Variants in SPATA31H1 observed in about 807,000 individuals in gnomAD.
SPATA31H1 encodes the protein spermatogenesis-associated protein 31H1.
At chr2:27,575,513 T>G in the SPATA31H1 span, 1 of 398,508 alleles carries the variant, frequency 2.5e-6, no homozygotes, top group African/African-American at 2.1e-5. The surrounding 1 kb of genome is among the most constrained non-coding windows in gnomAD (Gnocchi z 4.1). Context: ...AATCTTTAGA[T>G]TTCAACCCTG....
the SPATA31H1 span, among the ~76,000 whole-genome samples, chr2:27,545,449 T>C: frequency 6.6e-6 from 1 of 152,056 alleles, no homozygotes; most frequent in African/African-American, 2.4e-5. Flanking sequence ...TGCTTGGTCA[T>C]GTGGTATATA....
the SPATA31H1 span, among the ~76,000 whole-genome samples, chr2:27,556,336 C>A: frequency 4.7e-5 from 7 of 149,916 alleles, no homozygotes; most frequent in Non-Finnish European, 7.4e-5. Context: ...AGGTTCACAG[C>A]AAAATTGAGC....
chr2:27,566,027 T>C, the SPATA31H1 span: 3 of 717,336 alleles, frequency 4.2e-6, no homozygotes, highest in Middle Eastern at 2.3e-4. Flanking sequence ...TGACAGATTC[T>C]TCACCTCTTC....
chr2:27,567,432 A>G, the SPATA31H1 span: 1 of 447,762 alleles, frequency 2.2e-6, no homozygotes, highest in South Asian at 7.1e-5. Context: ...ATCTATGCCC[A>G]TTCATCAAAA....
chr2:27,558,985 A>G, the SPATA31H1 span, among the ~76,000 whole-genome samples: 1 of 150,020 alleles, frequency 6.7e-6, no homozygotes, highest in Admixed American at 6.8e-5. Flanking sequence ...ATATTTTAAA[A>G]TCCATGTTTT....
the SPATA31H1 span, among the ~76,000 whole-genome samples, chr2:27,552,610 A>C: frequency 0.011 from 1,631 of 152,008 alleles, 21 homozygotes; most frequent in Non-Finnish European, 0.015. Context: ...CAGCTTTTTC[A>C]TTTCTGTAAA....
At chr2:27,580,135 T>C in the SPATA31H1 span, 1 of 1,614,144 alleles carries the variant, frequency 6.2e-7, no homozygotes, top group South Asian at 1.1e-5. Context: ...GATAGACCCG[T>C]CATACGGAGA....
the SPATA31H1 span, chr2:27,580,369 A>T: frequency 6.2e-7 from 1 of 1,614,010 alleles, no homozygotes; most frequent in Non-Finnish European, 8.5e-7. Flanking sequence ...CCAGAGAGTG[A>T]CTCTGAAAGC....
chr2:27,555,485 AAC>A, the SPATA31H1 span, among the ~76,000 whole-genome samples: 1 of 151,584 alleles, frequency 6.6e-6, no homozygotes, highest in Non-Finnish European at 1.5e-5. Flanking sequence ...CAGCATGGGA[AAC>A]ACAGTAAGAT....
chr2:27,577,435 A>G, the SPATA31H1 span: 1 of 1,614,120 alleles, frequency 6.2e-7, no homozygotes, highest in Admixed American at 1.7e-5. This position sits in a 1 kb window ranked among gnomAD's most constrained non-coding sequence, Gnocchi z 4.5. Flanking sequence ...ATACAAGCAA[A>G]TGAATTCTTT....
At chr2:27,542,069 G>A in the SPATA31H1 span, among the ~76,000 whole-genome samples, 27 of 151,936 alleles carry the variant, frequency 1.8e-4, no homozygotes, top group Non-Finnish European at 2.8e-4. Context: ...CACCACACCC[G>A]ACCTTAAGTT....
chr2:27,569,024 T>G, the SPATA31H1 span: 1 of 398,940 alleles, frequency 2.5e-6, no homozygotes, highest in Non-Finnish European at 4.4e-6. Context: ...AAAAATCTAT[T>G]GGGTTGACAC....
At chr2:27,576,494 G>T in the SPATA31H1 span, 3 of 1,121,838 alleles carry the variant, frequency 2.7e-6, no homozygotes, top group Non-Finnish European at 2.5e-6. Flanking sequence ...ATTCTTCAGG[G>T]TTGACATCAT....
the SPATA31H1 span, among the ~76,000 whole-genome samples, chr2:27,556,649 C>A: frequency 2.7e-5 from 4 of 147,618 alleles, no homozygotes; most frequent in Non-Finnish European, 6.0e-5. Flanking sequence ...GGCCAAAATT[C>A]TCCATCTCGT....
the SPATA31H1 span, among the ~76,000 whole-genome samples, chr2:27,547,236 T>C: frequency 4.6e-5 from 7 of 150,778 alleles, no homozygotes; most frequent in Admixed American, 2.0e-4. Context: ...GGCAGTGAGG[T>C]GATCTCAGCT....
the SPATA31H1 span, among the ~76,000 whole-genome samples, chr2:27,550,806 A>G: frequency 8.6e-5 from 13 of 152,000 alleles, no homozygotes; most frequent in Non-Finnish European, 1.6e-4. Context: ...GTGCTGAATT[A>G]CACTGAGTTT....
At chr2:27,551,056 G>A in the SPATA31H1 span, among the ~76,000 whole-genome samples, 2 of 151,612 alleles carry the variant, frequency 1.3e-5, no homozygotes, top group African/African-American at 2.4e-5. Flanking sequence ...ACTCGGCTAA[G>A]TTTTTGTATT....
the SPATA31H1 span, among the ~76,000 whole-genome samples, chr2:27,550,215 GTGGGGATTCTTTTTTTTT>G: frequency 7.0e-6 from 1 of 143,376 alleles, no homozygotes; most frequent in Non-Finnish European, 1.5e-5. Flanking sequence ...AGATGGTATA[GTGGGGATTCTTTTTTTTT>G]TAATGTAGAG....
the SPATA31H1 span, among the ~76,000 whole-genome samples, chr2:27,544,059 T>G: frequency 1.3e-5 from 2 of 151,998 alleles, no homozygotes; most frequent in African/African-American, 4.8e-5. Flanking sequence ...TGGGAATACA[T>G]GAATCTACTT....
Sources: gnomAD v4.1 joint callset for allele counts (sites outside exome capture counted in the v4.1 genomes callset) on GRCh38, gnomAD v4.1.1 for gene constraint, Gnocchi (gnomAD v3.1) non-coding constraint, MANE v1.5 for transcripts, NCBI Gene and HGNC (gene_info 2026-07-23, HGNC 2026-07-21) for gene names.